Variants in HSDL2 observed in about 807,000 individuals in gnomAD.
HSDL2 encodes the protein hydroxysteroid dehydrogenase like 2, also known as hydroxysteroid dehydrogenase-like protein 2.
Under a neutral mutation model 46.3 loss-of-function variants are expected in HSDL2, and 27 were observed. That is an observed-to-expected ratio of 0.58 (90% CI 0.43 to 0.80). The LOEUF (loss-of-function observed/expected upper bound fraction) is 0.80. HSDL2 is among the 30% of genes least tolerant of loss of function. The pLI, the probability that HSDL2 is intolerant of heterozygous loss-of-function variation, is 0.00. For synonymous variants in HSDL2, 153 were observed against 163.6 expected (o/e 0.94, Z 0.50); for missense variants, 451 against 502.7 (o/e 0.90, Z 0.98).
Position 112,401,188 on chromosome 9 carries a change from A to C in HSDL2, c.18-2807A>C, listed in dbSNP as rs75208393. Among the ~76,000 whole-genome samples the C allele has an allele frequency of 4.8e-3, 728 of 152,284 alleles. 40 individuals are homozygous for C. The East Asian group carries it at 0.12, about 26-fold the overall frequency. ...GTGAGTAAGTAAAAAGTTTAAATGAACTTAATTTAATGCTAATAATCCCAG... is the reference window on the plus strand; with the variant it reads ...GTGAGTAAGTAAAAAGTTTAAATGACCTTAATTTAATGCTAATAATCCCAG... On this transcript the variant is annotated intron_variant, in intron 1 of 10. Transcript: ENST00000398805.
chr9:112,454,302 G>C, intron 9 of HSDL2, 140 bp downstream of exon 9: 1 of 626,330 alleles, frequency 1.6e-6, no homozygotes, highest in Non-Finnish European at 2.7e-6. Flanking sequence ...AGACATTCAA[G>C]AACAGCAACC....
intron 10 of HSDL2, among the ~76,000 whole-genome samples, chr9:112,469,370 A>AT (rs1343109053): frequency 1.3e-5 from 2 of 152,132 alleles, no homozygotes; most frequent in East Asian, 1.9e-4. Flanking sequence ...TATGTCATCT[A>AT]TATCAATTAG....
chr9:112,394,266 T>C (rs112830361), intron 1 of HSDL2, among the ~76,000 whole-genome samples: 2,445 of 147,308 alleles, frequency 0.017, 80 homozygotes, highest in East Asian at 0.11. Flanking sequence ...CTGGGTGTTC[T>C]GGGCTCAGAA....
Position 112,394,050 on chromosome 9 carries a change from A to G in HSDL2, c.18-9945A>G, listed in dbSNP as rs145694412. On this transcript the variant is annotated intron_variant, in intron 1 of 10. Coordinates refer to ENST00000398805, the MANE Select transcript of HSDL2 (RefSeq NM_032303.5). Reference sequence around the variant, plus strand: ...AGGGATGCCGAAGAGGTAGAGGGGCATACCTGGGTCGAGAAGAATTATCAT... The same window carrying G: ...AGGGATGCCGAAGAGGTAGAGGGGCGTACCTGGGTCGAGAAGAATTATCAT... Among the ~76,000 whole-genome samples the G allele has an allele frequency of 7.0e-3, 1,070 of 152,354 alleles. 44 individuals are homozygous for G. The highest frequency in any genetic ancestry group is 0.061 in the Admixed American group (936 of 15,290).
At chr9:112,385,106 AAACAC>A (rs1831187391) in intron 1 of HSDL2, among the ~76,000 whole-genome samples, 1 of 27,822 alleles carries the variant, frequency 3.6e-5, no homozygotes, top group African/African-American at 2.1e-4. Flanking sequence ...GTCAAAAGAA[AAACAC>A]AACAACAACA....
intron 6 of HSDL2, among the ~76,000 whole-genome samples, chr9:112,431,084 TAA>T (rs2132661099): frequency 7.2e-6 from 1 of 139,316 alleles, no homozygotes; most frequent in East Asian, 2.1e-4. Context: ...TTAAAAAAAA[TAA>T]AGATTTCTGG....
At chr9:112,413,900 G>A (rs530953118) in intron 4 of HSDL2, 4 of 164,740 alleles carry the variant, frequency 2.4e-5, no homozygotes, top group East Asian at 1.8e-4. Flanking sequence ...TGCTGTGTCC[G>A]GTTTCCATTG....
intron 6 of HSDL2, among the ~76,000 whole-genome samples, chr9:112,428,327 A>C (rs1302224520): frequency 1.3e-5 from 2 of 152,188 alleles, no homozygotes; most frequent in Non-Finnish European, 2.9e-5. Flanking sequence ...CCTGGTCCTC[A>C]CTGTGGGACC....
chr9:112,452,409 G>A (rs1019053644), intron 8 of HSDL2, among the ~76,000 whole-genome samples: 7 of 152,088 alleles, frequency 4.6e-5, no homozygotes, highest in Non-Finnish European at 8.8e-5. Flanking sequence ...TGTTTCTGGG[G>A]GCAACTACTT....
intron 1 of HSDL2, among the ~76,000 whole-genome samples, chr9:112,389,352 T>C (rs558962010): frequency 6.6e-6 from 1 of 152,022 alleles, no homozygotes; most frequent in East Asian, 1.9e-4. Context: ...TTGGAGAAAA[T>C]AAGATATAGA....
In HSDL2 at chr9:112,471,566, G is replaced by A. The variant is rs1323217817; in HGVS notation, c.*1022G>A. On this transcript the variant is annotated 3_prime_UTR_variant, in exon 11 of 11. Coordinates refer to ENST00000398805, the MANE Select transcript of HSDL2 (RefSeq NM_032303.5). ...CCAGAATAGTGAGAAATAAATTTCT[G>A]TTGTTAAGCCGTCCACTGTGGGAGG... 2.0e-5 allele frequency: 3 copies of A among 152,244 alleles called. No individual in the cohort carries two copies. Among genetic ancestry groups the A allele is most frequent in the Non-Finnish European group, 4.4e-5 (3 of 68,060 alleles). 9.4% of individuals were successfully genotyped at this position (152,244 alleles called of 1,614,324 possible). A position where few individuals can be genotyped will look rare whatever the true frequency, so the allele number is the denominator to read the frequency against.
intron 3 of HSDL2, among the ~76,000 whole-genome samples, chr9:112,407,793 T>TAC (rs1357912929): frequency 6.6e-6 from 1 of 152,224 alleles, no homozygotes; most frequent in Non-Finnish European, 1.5e-5. Context: ...TTTTTAAGTG[T>TAC]ACAGTTCAGT....
Position 112,412,943 on chromosome 9 carries a change from A to T in HSDL2, c.396-3898A>T, listed in dbSNP as rs200403600. On this transcript the variant is annotated intron_variant, in intron 4 of 10. Transcript: ENST00000398805. ...ACATAGTGAACCCTGTCTCTGTTTT[A>T]AAAAAAATTACAGTTAAAATTAAAA... 7.1e-4 allele frequency among the ~76,000 whole-genome samples: 108 copies of T among 151,820 alleles called. 1 individual carries two copies. The East Asian group carries it at 0.02, about 28-fold the overall frequency.
intron 10 of HSDL2, among the ~76,000 whole-genome samples, chr9:112,462,600 A>ATG (rs3032131): frequency 0.024 from 3,521 of 146,688 alleles, 74 homozygotes; most frequent in East Asian, 0.073. Context: ...GAGGAGGGGG[A>ATG]TGTGTGTGTG....
At chr9:112,383,441 T>C (rs1270914794) in intron 1 of HSDL2, among the ~76,000 whole-genome samples, 1 of 150,858 alleles carries the variant, frequency 6.6e-6, no homozygotes, top group Non-Finnish European at 1.5e-5. Flanking sequence ...TTCAAATATA[T>C]TTGTATTGTC....
intron 3 of HSDL2, among the ~76,000 whole-genome samples, chr9:112,407,473 G>C (rs1343303427): frequency 6.6e-6 from 1 of 151,978 alleles, no homozygotes; most frequent in Non-Finnish European, 1.5e-5. Context: ...CTGGTATGTA[G>C]TGGCATGATC....
intron 4 of HSDL2, chr9:112,413,986 G>A (rs551608351): frequency 4.0e-5 from 9 of 225,246 alleles, no homozygotes; most frequent in Non-Finnish European, 7.9e-5. Flanking sequence ...AAGAGGCAAA[G>A]GCAGAGGAGA....
chr9:112,417,491 A>AAT (rs1052206504), intron 5 of HSDL2, among the ~76,000 whole-genome samples: 1 of 151,966 alleles, frequency 6.6e-6, no homozygotes, highest in Admixed American at 6.6e-5. Flanking sequence ...AAAAAAAAAA[A>AAT]AAAACGACAA....
chr9:112,411,043 A>G (rs547697355), intron 4 of HSDL2, among the ~76,000 whole-genome samples: 1 of 152,346 alleles, frequency 6.6e-6, no homozygotes, highest in South Asian at 2.1e-4. Flanking sequence ...GCATTACCAC[A>G]TGGCAATAGT....
Sources: gnomAD v4.1 joint callset for allele counts (sites outside exome capture counted in the v4.1 genomes callset) on GRCh38, gnomAD v4.1.1 for gene constraint, MANE v1.5 for transcripts, NCBI Gene and HGNC (gene_info 2026-07-23, HGNC 2026-07-21) for gene names.